CPED1: variants seen among roughly 807,000 people sequenced by gnomAD.
CPED1 encodes cadherin like and PC-esterase domain containing 1.
A neutral mutation model predicts 128.2 loss-of-function variants in CPED1; 114 were observed. That is an observed-to-expected ratio of 0.89 (90% CI 0.76 to 1.04). The LOEUF is 1.04. Ranked by LOEUF, CPED1 falls within the 50% of genes least tolerant of loss-of-function variation. CPED1 has a pLI of 0.00. For synonymous variants in CPED1, 462 were observed against 426.7 expected, an observed-to-expected ratio of 1.08 and a Z score of -1.02; for missense variants, 1,211 against 1,207.1, an observed-to-expected ratio of 1.00 and a Z score of -0.05.
chr7:121,062,303 A>AT (rs1259026304), intron 4 of CPED1, among the ~76,000 whole-genome samples: 1 of 152,218 alleles, frequency 6.6e-6, no homozygotes, highest in African/African-American at 2.4e-5. Context: ...AATTTCATTG[A>AT]TTTTTGAAGC....
At position 121,211,592 on chromosome 7, in the gene CPED1, T is replaced by TA. The variant is rs1358173113; in HGVS notation, c.2056-25122_2056-25121insA. ...CACGTGACATATTCTGGAGATCAGCTTGAACTATCACAGGGCTGTGGATTG... is the reference window on the plus strand; with the variant it reads ...CACGTGACATATTCTGGAGATCAGCTATGAACTATCACAGGGCTGTGGATTG... On this transcript the variant is annotated intron_variant, in intron 16 of 22. Transcript: ENST00000310396. Among the ~76,000 whole-genome samples, 29 of 4,418 alleles carry TA rather than the reference T, an allele frequency of 6.6e-3. No homozygotes were observed. The South Asian group carries it at 0.16, about 24-fold the overall frequency. The allele number at this position is 4,418 out of a possible 152,430, so 2.9% of individuals were successfully genotyped here.
intron 16 of CPED1, among the ~76,000 whole-genome samples, chr7:121,220,464 C>A (rs1223214759): frequency 2.0e-5 from 3 of 151,918 alleles, no homozygotes; most frequent in Non-Finnish European, 4.4e-5. Flanking sequence ...CCTTCATAGC[C>A]CTTAGTAGGA....
intron 18 of CPED1, among the ~76,000 whole-genome samples, chr7:121,256,141 A>C (rs1161589940): frequency 7.7e-5 from 11 of 143,588 alleles, no homozygotes; most frequent in African/African-American, 2.6e-4. Context: ...AAAAAAAAAA[A>C]CAAAGCTTAT....
chr7:121,099,898 C>A, intron 6 of CPED1, 28 bp from the exon 7 acceptor site: 1 of 1,540,406 alleles, frequency 6.5e-7, no homozygotes, highest in Non-Finnish European at 8.7e-7. Context: ...CATTATGGAG[C>A]GCTAACTATG....
At chr7:121,141,919 C>A in intron 15 of CPED1, 54 bp from the exon 16 acceptor site, 1 of 1,435,020 alleles carries the variant, frequency 7.0e-7, no homozygotes, top group South Asian at 1.2e-5. Flanking sequence ...TCAGTTTGGG[C>A]TGAATAAATC....
intron 13 of CPED1, among the ~76,000 whole-genome samples, chr7:121,135,007 G>A (rs1795754704): frequency 6.6e-6 from 1 of 151,808 alleles, no homozygotes; most frequent in Non-Finnish European, 1.5e-5. Context: ...TTAAGCTAGA[G>A]TCATCAAATA....
intron 16 of CPED1, among the ~76,000 whole-genome samples, chr7:121,156,138 G>C (rs1584554323): frequency 6.6e-6 from 1 of 152,064 alleles, no homozygotes; most frequent in East Asian, 1.9e-4. Flanking sequence ...AAATCACAAT[G>C]GCATATTATC....
At chr7:121,292,825 T>A (rs1283142263) in intron 22 of CPED1, among the ~76,000 whole-genome samples, 1 of 152,112 alleles carries the variant, frequency 6.6e-6, no homozygotes, top group African/African-American at 2.4e-5. Context: ...CCAGGCCCTG[T>A]TTACCTGAGT....
At chr7:121,107,852 T>C (rs1033102757) in intron 7 of CPED1, among the ~76,000 whole-genome samples, 2 of 152,136 alleles carry the variant, frequency 1.3e-5, no homozygotes, top group Non-Finnish European at 2.9e-5. Context: ...ATTCTAAATA[T>C]AAAATATCCT....
At chr7:121,005,114 T>C (rs762795298) in intron 2 of CPED1, among the ~76,000 whole-genome samples, 19 of 152,182 alleles carry the variant, frequency 1.2e-4, no homozygotes, top group Admixed American at 9.8e-4. Flanking sequence ...TGAAACAATA[T>C]GATTAAATTT....
chr7:121,212,697 A>AG (rs969582847), intron 16 of CPED1, among the ~76,000 whole-genome samples: 8 of 18,404 alleles, frequency 4.3e-4, no homozygotes, highest in African/African-American at 1.3e-3. Flanking sequence ...AATTCATTGG[A>AG]AAAAAAAATG....
intron 16 of CPED1, among the ~76,000 whole-genome samples, chr7:121,193,334 A>C (rs1218102777): frequency 6.6e-6 from 1 of 152,168 alleles, no homozygotes; most frequent in Non-Finnish European, 1.5e-5. Context: ...TAAAGATACC[A>C]AGCTAAATGA....
At chr7:121,275,933 C>T (rs2536148) in intron 22 of CPED1, among the ~76,000 whole-genome samples, 21,810 of 146,850 alleles carry the variant, frequency 0.15, 2,004 homozygotes, top group African/African-American at 0.25. Context: ...TAAATTCATC[C>T]GGTAAAAAAA....
At chr7:121,220,676 T>A (rs1018022719) in intron 16 of CPED1, among the ~76,000 whole-genome samples, 1 of 152,044 alleles carries the variant, frequency 6.6e-6, no homozygotes, top group African/African-American at 2.4e-5. Flanking sequence ...TAAATTGTAG[T>A]TTTAAAAATA....
At chr7:121,152,668 A>G (rs1796185634) in intron 16 of CPED1, among the ~76,000 whole-genome samples, 2 of 152,244 alleles carry the variant, frequency 1.3e-5, no homozygotes, top group South Asian at 4.1e-4. Context: ...GTATATTTTA[A>G]AAGAGACAGA....
intron 8 of CPED1, 127 bp downstream of exon 8, chr7:121,124,600 A>T (rs1177907858): frequency 3.2e-6 from 2 of 616,080 alleles, no homozygotes; most frequent in Admixed American, 3.7e-5. Flanking sequence ...TTATGTCAAT[A>T]TACAAACATG....
chr7:121,092,524 A>G (rs1347508845), intron 5 of CPED1, among the ~76,000 whole-genome samples: 1 of 152,218 alleles, frequency 6.6e-6, no homozygotes, highest in Non-Finnish European at 1.5e-5. Flanking sequence ...CTTATAGTCT[A>G]GTGAACTGAG....
At position 121,233,021 on chromosome 7, in the gene CPED1, G is replaced by A. The variant is rs182527257; in HGVS notation, c.2056-3693G>A. 2.0e-5 allele frequency among the ~76,000 whole-genome samples: 3 copies of A among 152,166 alleles called. No individual in the cohort carries two copies. The East Asian group carries it at 5.8e-4, about 30-fold the overall frequency. On this transcript the variant is annotated intron_variant, in intron 16 of 22. Transcript: ENST00000310396. ...AATAATTCTGTAAGGAATGAAGTGGGTGTCCAGAGGAATAGATAATGAGAA... is the reference window on the plus strand; with the variant it reads ...AATAATTCTGTAAGGAATGAAGTGGATGTCCAGAGGAATAGATAATGAGAA...
At chr7:121,174,947 G>A (rs1484244469) in intron 16 of CPED1, among the ~76,000 whole-genome samples, 1 of 151,992 alleles carries the variant, frequency 6.6e-6, no homozygotes, top group African/African-American at 2.4e-5. Flanking sequence ...CACCTCCCTG[G>A]TTAGCTGTAT....
Sources: allele counts gnomAD v4.1 joint callset (sites outside exome capture counted in the v4.1 genomes callset), GRCh38; gene constraint gnomAD v4.1.1; transcripts MANE v1.5; gene names NCBI Gene and HGNC (gene_info 2026-07-23, HGNC 2026-07-21).